HSD17B6: variants seen among roughly 807,000 people sequenced by gnomAD.
HSD17B6 encodes hydroxysteroid 17-beta dehydrogenase 6.
In HSD17B6, 16 loss-of-function variants were observed where a neutral mutation model predicts 26.4. That is an observed-to-expected ratio of 0.61 (90% CI 0.41 to 0.92). HSD17B6 has a LOEUF of 0.92. Ranked by LOEUF, HSD17B6 falls within the 40% of genes least tolerant of loss-of-function variation. The probability of loss-of-function intolerance (pLI) is 0.00; values close to 1 mark genes in which losing one functional copy is unlikely to be tolerated. For synonymous variants in HSD17B6, 139 were observed against 153.0 expected (o/e 0.91, Z 0.68); for missense variants, 357 against 386.1 (o/e 0.92, Z 0.63).
intron 2 of HSD17B6, among the ~76,000 whole-genome samples, chr12:56,779,284 A>C (rs1954661302): frequency 6.6e-6 from 1 of 152,008 alleles, no homozygotes; most frequent in South Asian, 2.1e-4. Context: ...TCAGGTGTGC[A>C]CCACCACACT....
chr12:56,769,399 G>A (rs1227301466), intron 1 of HSD17B6, among the ~76,000 whole-genome samples: 1 of 152,172 alleles, frequency 6.6e-6, no homozygotes, highest in Non-Finnish European at 1.5e-5. Flanking sequence ...ACCGTGCCTG[G>A]CCTAGCTTTT....
intron 1 of HSD17B6, among the ~76,000 whole-genome samples, chr12:56,764,452 G>A (rs1954279060): frequency 6.6e-6 from 1 of 152,168 alleles, no homozygotes; most frequent in African/African-American, 2.4e-5. Context: ...TAAGGATGTT[G>A]CAATATGTGG....
At chr12:56,768,943 T>C (rs1954406016) in intron 1 of HSD17B6, among the ~76,000 whole-genome samples, 1 of 149,282 alleles carries the variant, frequency 6.7e-6, no homozygotes, top group South Asian at 2.1e-4. Context: ...CTGTGCTGAA[T>C]AAGGAGGCAA....
At chr12:56,764,180 G>A (rs1954273941) in intron 1 of HSD17B6, among the ~76,000 whole-genome samples, 1 of 151,768 alleles carries the variant, frequency 6.6e-6, no homozygotes, top group South Asian at 2.1e-4. Flanking sequence ...GTATGCCCAA[G>A]TGGGAAGAAA....
rs762706280 is a variant in HSD17B6, at chr12:56,773,914, G to A, written c.62G>A (p.Arg21Lys). 5.1e-5 allele frequency: 82 copies of A among 1,613,094 alleles called. 2 individuals carry two copies. The Middle Eastern group carries it at 8.2e-4, about 16-fold the overall frequency. ...LYYLLHWYRE[R>K]QVVSHLQDKY... ...TACCTTCTGCACTGGTACCGGGAGAGGCAGGTGGTGAGCCACCTCCAAGAC... is the reference window on the plus strand; with the variant it reads ...TACCTTCTGCACTGGTACCGGGAGAAGCAGGTGGTGAGCCACCTCCAAGAC... Residue 21 changes from arginine (R) to lysine (K), a missense_variant, in exon 2 of 5, where the codon AGG becomes AAG. Arg to Lys is a conservative substitution (Grantham distance 26). Coordinates refer to ENST00000322165, the MANE Select transcript of HSD17B6 (RefSeq NM_003725.4).
intron 3 of HSD17B6, 74 bp downstream of exon 3, chr12:56,782,306 C>T: frequency 7.2e-7 from 1 of 1,387,202 alleles, no homozygotes; most frequent in Admixed American, 2.1e-5. Context: ...TTGCTTTCGC[C>T]TATCTTATTT....
chr12:56,786,955 A>G (rs1954887900), intron 4 of HSD17B6, among the ~76,000 whole-genome samples, 170 bp from the exon 5 acceptor site: 3 of 152,222 alleles, frequency 2.0e-5, no homozygotes, highest in Admixed American at 2.0e-4. Flanking sequence ...TGCATTAGCT[A>G]TTGTTTAAGT....
At chr12:56,764,974 G>A (rs1056923360) in intron 1 of HSD17B6, among the ~76,000 whole-genome samples, 1 of 151,922 alleles carries the variant, frequency 6.6e-6, no homozygotes, top group Non-Finnish European at 1.5e-5. Context: ...CCAGGCGCCC[G>A]CCATCACACC....
At chr12:56,784,757 A>C in intron 3 of HSD17B6, 96 bp from the exon 4 acceptor site, 1 of 1,228,564 alleles carries the variant, frequency 8.1e-7, no homozygotes. Flanking sequence ...AATATTCAGT[A>C]AAGGTATTTT....
chr12:56,780,806 G>A (rs1480100251), intron 2 of HSD17B6, among the ~76,000 whole-genome samples: 2 of 130,504 alleles, frequency 1.5e-5, no homozygotes, highest in African/African-American at 3.0e-5. Flanking sequence ...TGGAGATCCC[G>A]CCACTGCACT....
chr12:56,765,393 G>A (rs1025972570), intron 1 of HSD17B6, among the ~76,000 whole-genome samples: 1 of 151,842 alleles, frequency 6.6e-6, no homozygotes, highest in African/African-American at 2.4e-5. Context: ...CTGAGATCAC[G>A]CCACTGCACT....
At position 56,786,010 on chromosome 12, in the gene HSD17B6, A is replaced by C. The variant is rs754582683; in HGVS notation, c.736+994A>C. On this transcript the variant is annotated intron_variant, in intron 4 of 4. Coordinates refer to ENST00000322165, the MANE Select transcript of HSD17B6 (RefSeq NM_003725.4). The stretch of plus-strand genomic sequence containing the variant: ...GCGGTGAAAAATGGGAATGACTTCT[A>C]ATAGGTACAGGGTTTCTTTTTGGGA... The C allele has an allele frequency of 1.3e-5, 12 of 941,594 alleles. No individual in the cohort carries two copies. The Admixed American group carries it at 7.4e-4, about 58-fold the overall frequency. 58.3% of individuals were successfully genotyped at this position (941,594 alleles called of 1,614,324 possible).
intron 1 of HSD17B6, among the ~76,000 whole-genome samples, chr12:56,769,037 G>C (rs1954408906): frequency 6.6e-6 from 1 of 151,882 alleles, no homozygotes; most frequent in South Asian, 2.1e-4. Flanking sequence ...GAGGGGAGTG[G>C]GGGGAGGGGA....
intron 4 of HSD17B6, among the ~76,000 whole-genome samples, chr12:56,786,481 C>T (rs1183236611): frequency 6.6e-6 from 1 of 152,152 alleles, no homozygotes; most frequent in Non-Finnish European, 1.5e-5. Flanking sequence ...AACTCCTGAC[C>T]CCAAATTATC....
Position 56,785,956 on chromosome 12 carries a change from C to T in HSD17B6, c.736+940C>T, listed in dbSNP as rs150671506. The T allele has an allele frequency of 2.0e-6, 2 of 985,096 alleles. 1 individual carries two copies. The highest frequency in any genetic ancestry group is 3.5e-5 in the African/African-American group (2 of 57,300). 61.0% of individuals were successfully genotyped at this position (985,096 alleles called of 1,614,324 possible). Reference sequence around the variant, plus strand: ...GTCAATTTCCTATAAGAATATTATTCTGAAGACCTGGAGGAGGAGGTAGCA... The same window carrying T: ...GTCAATTTCCTATAAGAATATTATTTTGAAGACCTGGAGGAGGAGGTAGCA... On this transcript the variant is annotated intron_variant, in intron 4 of 4. Coordinates refer to ENST00000322165, the MANE Select transcript of HSD17B6 (RefSeq NM_003725.4).
At position 56,775,472 on chromosome 12, in the gene HSD17B6, G is replaced by A. The variant is rs998564282; in HGVS notation, c.313+1307G>A. ...TCTTAAGAATCTGATTATCTTGGCT[G>A]CTACTTAAAATATAGGCATTTCTTG... On this transcript the variant is annotated intron_variant, in intron 2 of 4. Transcript: ENST00000322165. Among the ~76,000 whole-genome samples the A allele has an allele frequency of 4.6e-5, 7 of 152,202 alleles. No homozygotes were observed. In the South Asian group the frequency reaches 8.3e-4, roughly 18 times the overall value.
At chr12:56,778,674 CTTTTTTTTTTTT>C (rs1159153527) in intron 2 of HSD17B6, among the ~76,000 whole-genome samples, 1 of 122,964 alleles carries the variant, frequency 8.1e-6, no homozygotes, top group African/African-American at 3.0e-5. Context: ...GAGTCTTTTT[CTTTTTTTTTTTT>C]TTTTTTGAGA....
intron 1 of HSD17B6, among the ~76,000 whole-genome samples, chr12:56,765,613 C>T (rs1213873974): frequency 6.6e-6 from 1 of 151,828 alleles, no homozygotes; most frequent in Non-Finnish European, 1.5e-5. Context: ...TTCCCACCCC[C>T]TCCCCCCACC....
intron 2 of HSD17B6, 52 bp downstream of exon 2, chr12:56,774,217 T>C (rs1954544834): frequency 2.0e-6 from 3 of 1,479,412 alleles, no homozygotes; most frequent in East Asian, 2.3e-5. Flanking sequence ...GCTAAGGTTA[T>C]ATATACAGTT....
Sources: gnomAD v4.1 joint callset for allele counts (sites outside exome capture counted in the v4.1 genomes callset) on GRCh38, gnomAD v4.1.1 for gene constraint, MANE v1.5 for transcripts, NCBI Gene and HGNC (gene_info 2026-07-23, HGNC 2026-07-21) for gene names.